ERCC6: variants seen among roughly 807,000 people sequenced by gnomAD.
The protein encoded by ERCC6 is DNA excision repair protein ERCC-6.
A neutral mutation model predicts 158.7 loss-of-function variants in ERCC6; 116 were observed. That is an observed-to-expected ratio of 0.73 (90% CI 0.63 to 0.85). The LOEUF (loss-of-function observed/expected upper bound fraction) is 0.85, where lower values mean the gene tolerates loss of function less well. Ranked by LOEUF, ERCC6 falls within the 40% of genes least tolerant of loss-of-function variation. ERCC6 has a pLI of 0.00. For synonymous variants in ERCC6, 678 were observed against 659.3 expected, an observed-to-expected ratio of 1.03 and a Z score of -0.43; for missense variants, 1,698 against 1,799.4, an observed-to-expected ratio of 0.94 and a Z score of 1.02.
At chr10:49,516,926 A>G in intron 5 of ERCC6, 1 of 1,614,094 alleles carries the variant, frequency 6.2e-7, no homozygotes, top group East Asian at 2.2e-5. Flanking sequence ...CTTGAATAAG[A>G]TACGCAGCTG....
intron 20 of ERCC6, 96 bp downstream of exon 20, chr10:49,460,277 A>G: frequency 4.7e-6 from 4 of 848,062 alleles, no homozygotes; most frequent in Non-Finnish European, 8.2e-6. Flanking sequence ...TACACCAGAG[A>G]TGACCATTTT....
At chr10:49,538,232 T>G (rs898240427) in intron 1 of ERCC6, among the ~76,000 whole-genome samples, 2 of 151,996 alleles carry the variant, frequency 1.3e-5, no homozygotes, top group Admixed American at 1.3e-4. Flanking sequence ...ATTTGGAGGG[T>G]TGGTCGGACA....
intron 5 of ERCC6, among the ~76,000 whole-genome samples, chr10:49,518,328 C>T (rs1199326138): frequency 6.6e-6 from 1 of 152,348 alleles, no homozygotes; most frequent in East Asian, 1.9e-4. Flanking sequence ...AACCAAGCTG[C>T]GAGATCACTC....
In ERCC6 at chr10:49,524,221, C is replaced by T; in HGVS notation, c.1209G>A (p.Glu403=). The change falls in exon 5 of 21, where the codon GAG becomes GAA. Residue 403 remains glutamate (E), a synonymous_variant. Transcript: ENST00000355832. ...ADLSGDGTDY[E]LKPLPKGGKR... ...TCCCGCCCTTGGGCAGAGGCTTCAG[C>T]TCATAGTCAGTACCATCTCCAGACA... 1 of 1,614,156 alleles carries T rather than the reference C, an allele frequency of 6.2e-7. No homozygotes were observed. The highest frequency in any genetic ancestry group is 8.5e-7 in the Non-Finnish European group (1 of 1,180,026).
At chr10:49,499,497 A>G (rs1185487268) in intron 7 of ERCC6, among the ~76,000 whole-genome samples, 2 of 152,192 alleles carry the variant, frequency 1.3e-5, no homozygotes, top group African/African-American at 4.8e-5. Context: ...CTTCAGGCAC[A>G]CTGACACTAC....
In ERCC6 at chr10:49,525,017, A is replaced by C. The variant is rs1300709904; in HGVS notation, c.653-240T>G. 8.8e-6 allele frequency: 8 copies of C among 905,350 alleles called. No homozygotes were observed. In the South Asian group the frequency reaches 1.2e-4, roughly 14 times the overall value. The allele number at this position is 905,350 out of a possible 1,614,324, so 56.1% of individuals were successfully genotyped here. A position where few individuals can be genotyped will look rare whatever the true frequency, so the allele number is the denominator to read the frequency against. ...CAGTAACTTTTCCCCAAAATATTTC[A>C]CTATAAATATACTCTCTGCCATCCA... On this transcript the variant is annotated intron_variant, in intron 4 of 20. Coordinates refer to ENST00000355832, the MANE Select transcript of ERCC6 (RefSeq NM_000124.4).
Position 49,483,492 on chromosome 10 carries a change from G to A in ERCC6, c.1846C>T (p.His616Tyr). Residue 616 changes from histidine (H) to tyrosine (Y), a missense_variant, in exon 9 of 21, where the codon CAT becomes TAT. His to Tyr is a moderately conservative substitution (Grantham distance 83). Coordinates refer to ENST00000355832, the MANE Select transcript of ERCC6 (RefSeq NM_000124.4). ...GATGTGATCAAAATTCCATGACAAT[G>A]AGCAACATCTCGAATTAGTTTCTCC... Reference protein sequence around the residue: ...KKEKLIRDVAHCHGILITSYS... With the variant: ...KKEKLIRDVAYCHGILITSYS... 1 of 1,614,110 alleles carries A rather than the reference G, an allele frequency of 6.2e-7. No individual in the cohort carries two copies.
Position 49,461,403 on chromosome 10 carries a change from A to G in ERCC6, c.3932T>C (p.Val1311Ala). The G allele has an allele frequency of 6.2e-7, 1 of 1,614,036 alleles. No homozygotes were observed. Among genetic ancestry groups the G allele is most frequent in the Non-Finnish European group, 8.5e-7 (1 of 1,180,020 alleles). Reference protein sequence around the residue: ...RQRCLGAVSGVPTWTGHRGIS... With the variant: ...RQRCLGAVSGAPTWTGHRGIS... The stretch of plus-strand genomic sequence containing the variant: ...CCCCCTGTGGCCAGTCCAGGTGGGA[A>G]CACCAGACACTGCTCCCAGACACCG... The change falls in exon 19 of 21, where the codon GTT becomes GCT. Residue 1311 changes from valine to alanine, a missense_variant. By Grantham distance (64) the Val-to-Ala change is moderately conservative (BLOSUM62 0). Transcript: ENST00000355832.
At chr10:49,479,373 C>T (rs375568706) in intron 10 of ERCC6, among the ~76,000 whole-genome samples, 77 of 152,118 alleles carry the variant, frequency 5.1e-4, no homozygotes, top group African/African-American at 1.2e-3. Context: ...TCTTAAAGAA[C>T]GCTAAAAATA....
intron 5 of ERCC6, among the ~76,000 whole-genome samples, chr10:49,510,126 G>A (rs1417772372): frequency 1.3e-5 from 2 of 152,102 alleles, no homozygotes; most frequent in Non-Finnish European, 2.9e-5. Flanking sequence ...GGCTGAGACT[G>A]CAATAATCAT....
At chr10:49,491,838 T>C (rs1282340544) in intron 8 of ERCC6, among the ~76,000 whole-genome samples, 1 of 152,088 alleles carries the variant, frequency 6.6e-6, no homozygotes, top group African/African-American at 2.4e-5. Flanking sequence ...CACAAAACAC[T>C]AAGAGATGTT....
chr10:49,436,290 T>A, the ERCC6 span, among the ~76,000 whole-genome samples: 63,571 of 151,930 alleles, frequency 0.42, 14,313 homozygotes, highest in Non-Finnish European at 0.5. Context: ...AGGAAAAGAT[T>A]TTTTAAAAAA....
At chr10:49,489,203 T>C (rs1397485191) in intron 8 of ERCC6, among the ~76,000 whole-genome samples, 1 of 152,210 alleles carries the variant, frequency 6.6e-6, no homozygotes, top group African/African-American at 2.4e-5. Flanking sequence ...TTTGATAAAG[T>C]AGATGTGTAC....
At chr10:49,460,308 G>T in intron 20 of ERCC6, 65 bp downstream of exon 20, 1 of 1,166,712 alleles carries the variant, frequency 8.6e-7, no homozygotes, top group Non-Finnish European at 1.3e-6. Flanking sequence ...AGAATCAGGT[G>T]AAATTTTCAC....
chr10:49,507,437 T>A lies in ERCC6; in HGVS notation c.1398-1425A>T, dbSNP rs532236039. ...TATCATCTAACAACAGTTTAATAAG[T>A]GATACTTTTTATAAAAAAATTTAAT... On this transcript the variant is annotated intron_variant, in intron 5 of 20. Coordinates refer to ENST00000355832, the MANE Select transcript of ERCC6 (RefSeq NM_000124.4). Among the ~76,000 whole-genome samples, 38 of 152,298 alleles carry A rather than the reference T, an allele frequency of 2.5e-4. 1 individual carries two copies. The South Asian group carries it at 7.7e-3, about 31-fold the overall frequency.
intron 7 of ERCC6, among the ~76,000 whole-genome samples, chr10:49,495,348 G>T (rs1482445635): frequency 6.6e-6 from 1 of 152,106 alleles, no homozygotes; most frequent in East Asian, 1.9e-4. Flanking sequence ...CACACCTGGA[G>T]CAGAGTCACT....
chr10:49,471,908 T>C (rs567708812), intron 16 of ERCC6, among the ~76,000 whole-genome samples: 5 of 152,334 alleles, frequency 3.3e-5, no homozygotes, highest in South Asian at 2.1e-4. Context: ...CTAGTCATTA[T>C]GGAAAGACAG....
chr10:49,495,833 A>T (rs1203438590), intron 7 of ERCC6, among the ~76,000 whole-genome samples: 1 of 152,188 alleles, frequency 6.6e-6, no homozygotes, highest in African/African-American at 2.4e-5. Context: ...TGCCAGGTCC[A>T]GCCACTCTCC....
the ERCC6 span, among the ~76,000 whole-genome samples, chr10:49,441,556 C>A: frequency 6.6e-6 from 1 of 151,964 alleles, no homozygotes; most frequent in African/African-American, 2.4e-5. Context: ...CCTGTGTAGA[C>A]CCAGTTGTGC....
Sources: allele counts gnomAD v4.1 joint callset (sites outside exome capture counted in the v4.1 genomes callset), GRCh38; gene constraint gnomAD v4.1.1; transcripts MANE v1.5; gene names NCBI Gene and HGNC (gene_info 2026-07-23, HGNC 2026-07-21).